MTUS2: variants seen among roughly 807,000 people sequenced by gnomAD.
MTUS2 encodes the protein microtubule associated scaffold protein 2.
MTUS2 carries 40 observed loss-of-function variants against 114.1 expected under a neutral mutation model. That is an observed-to-expected ratio of 0.35 (90% CI 0.27 to 0.46). The LOEUF is 0.46. Ranked by LOEUF, MTUS2 falls within the 20% of genes least tolerant of loss-of-function variation. The pLI, the probability that MTUS2 is intolerant of heterozygous loss-of-function variation, is 1.00. For missense variants in MTUS2, 1,679 were observed against 1,705.4 expected, an observed-to-expected ratio of 0.98 and a Z score of 0.27; for synonymous variants, 688 against 672.0, an observed-to-expected ratio of 1.02 and a Z score of -0.37.
intron 2 of MTUS2, among the ~76,000 whole-genome samples, chr13:28,920,110 G>T (rs751576951): frequency 6.6e-6 from 1 of 152,150 alleles, no homozygotes; most frequent in African/African-American, 2.4e-5. Flanking sequence ...TGTTTTCTTG[G>T]ATGGTCTTGA....
intron 8 of MTUS2, among the ~76,000 whole-genome samples, chr13:29,385,166 G>A (rs1279819194): frequency 2.0e-5 from 3 of 152,182 alleles, no homozygotes; most frequent in Non-Finnish European, 2.9e-5. Context: ...AAAATGTGCC[G>A]ACATTTGTGA....
At chr13:29,355,205 G>A (rs1383959049) in intron 7 of MTUS2, among the ~76,000 whole-genome samples, 1 of 152,162 alleles carries the variant, frequency 6.6e-6, no homozygotes, top group Non-Finnish European at 1.5e-5. Context: ...GTCCTCTCCA[G>A]TGCTCAGCCT....
chr13:29,158,358 C>CCTTGTTTTT, intron 5 of MTUS2, among the ~76,000 whole-genome samples: 1 of 32,048 alleles, frequency 3.1e-5, no homozygotes, highest in Non-Finnish European at 5.1e-5. Context: ...GTCCACCCCG[C>CCTTGTTTTT]TTTTTTTTTT....
chr13:29,184,267 C>A (rs185669596), intron 5 of MTUS2, among the ~76,000 whole-genome samples: 80 of 152,304 alleles, frequency 5.3e-4, no homozygotes, highest in South Asian at 2.3e-3. Context: ...TAAAACATTA[C>A]TGTTCCCCAC....
chr13:29,260,844 G>A (rs1224522558), intron 5 of MTUS2, among the ~76,000 whole-genome samples: 3 of 152,138 alleles, frequency 2.0e-5, no homozygotes, highest in Non-Finnish European at 4.4e-5. Flanking sequence ...GTTACAACTT[G>A]GGTATGGAGA....
intron 5 of MTUS2, among the ~76,000 whole-genome samples, chr13:29,246,214 G>A (rs76590320): frequency 0.026 from 3,983 of 152,268 alleles, 79 homozygotes; most frequent in Non-Finnish European, 0.038. Flanking sequence ...TCTGACCCAG[G>A]GGGTGATTTA....
chr13:28,970,447 G>A (rs1318841109), intron 2 of MTUS2, among the ~76,000 whole-genome samples: 4 of 152,132 alleles, frequency 2.6e-5, no homozygotes, highest in African/African-American at 9.7e-5. Context: ...AACCACCATC[G>A]TTCATTCATG....
At chr13:28,856,836 G>A (rs926537715) in intron 2 of MTUS2, among the ~76,000 whole-genome samples, 3 of 152,182 alleles carry the variant, frequency 2.0e-5, no homozygotes, top group African/African-American at 7.2e-5. Flanking sequence ...GCTTTTTGCT[G>A]TGATTTTGTT....
At chr13:29,426,867 G>A (rs752673954) in intron 8 of MTUS2, among the ~76,000 whole-genome samples, 3 of 152,262 alleles carry the variant, frequency 2.0e-5, no homozygotes, top group Non-Finnish European at 2.9e-5. Flanking sequence ...TTGCTTCCAC[G>A]TTTTGGCTAT....
At chr13:29,208,222 G>A (rs1239372803) in intron 5 of MTUS2, among the ~76,000 whole-genome samples, 1 of 152,096 alleles carries the variant, frequency 6.6e-6, no homozygotes, top group Non-Finnish European at 1.5e-5. Flanking sequence ...GCATGTAAAG[G>A]TGTTCATAGT....
At chr13:28,915,385 A>G (rs1454012226) in intron 2 of MTUS2, among the ~76,000 whole-genome samples, 1 of 151,952 alleles carries the variant, frequency 6.6e-6, no homozygotes, top group Non-Finnish European at 1.5e-5. Context: ...TCTTCTCCAT[A>G]GAGGTTGTAC....
chr13:29,457,803 A>T (rs1000993400), intron 9 of MTUS2, among the ~76,000 whole-genome samples: 2 of 151,988 alleles, frequency 1.3e-5, no homozygotes, highest in African/African-American at 4.8e-5. Context: ...TCTTGCCAAC[A>T]TTTGTCAGTA....
chr13:28,895,953 T>C (rs1260184463), intron 2 of MTUS2, among the ~76,000 whole-genome samples: 2 of 152,188 alleles, frequency 1.3e-5, no homozygotes, highest in African/African-American at 4.8e-5. Flanking sequence ...GGGAACATTT[T>C]TTTCTGCCCC....
At chr13:29,266,945 A>G (rs954663477) in intron 5 of MTUS2, among the ~76,000 whole-genome samples, 1 of 152,192 alleles carries the variant, frequency 6.6e-6, no homozygotes, top group Admixed American at 6.5e-5. Context: ...TTCAGATACC[A>G]GAAAGAACAG....
At chr13:29,132,060 C>T (rs1280316846) in intron 5 of MTUS2, among the ~76,000 whole-genome samples, 1 of 152,166 alleles carries the variant, frequency 6.6e-6, no homozygotes, top group East Asian at 1.9e-4. Flanking sequence ...GTAGTACAGC[C>T]AGGTTTCAGC....
intron 2 of MTUS2, among the ~76,000 whole-genome samples, chr13:29,024,195 T>G (rs1161698540): frequency 1.3e-5 from 2 of 152,244 alleles, no homozygotes. Context: ...TTTAAATCAG[T>G]ATCAGTATAG....
chr13:29,343,532 G>A (rs1901508234), intron 7 of MTUS2, among the ~76,000 whole-genome samples: 1 of 151,502 alleles, frequency 6.6e-6, no homozygotes, highest in Non-Finnish European at 1.5e-5. Flanking sequence ...AGGTTTATTT[G>A]GATCTTCCCT....
Position 29,258,857 on chromosome 13 carries a change from A to G in MTUS2, c.2645-22847A>G, listed in dbSNP as rs549527930. 2.8e-4 allele frequency among the ~76,000 whole-genome samples: 43 copies of G among 152,322 alleles called. 1 individual carries two copies. Among genetic ancestry groups the G allele is most frequent in the Middle Eastern group, 6.8e-3 (2 of 294 alleles). On this transcript the variant is annotated intron_variant, in intron 5 of 15. Transcript: ENST00000612955. ...GTGGGAAACAAGGAAGGTTCAGGTTATCACCCCACTGACCTACCTGGGGCC... is the reference window on the plus strand; with the variant it reads ...GTGGGAAACAAGGAAGGTTCAGGTTGTCACCCCACTGACCTACCTGGGGCC...
chr13:29,364,953 C>G (rs1870578256), intron 8 of MTUS2, among the ~76,000 whole-genome samples: 1 of 152,198 alleles, frequency 6.6e-6, no homozygotes. Context: ...AATGTGAGCA[C>G]TTAAGGTGGC....
Sources: gnomAD v4.1 joint callset for allele counts (sites outside exome capture counted in the v4.1 genomes callset) on GRCh38, gnomAD v4.1.1 for gene constraint, MANE v1.5 for transcripts, NCBI Gene and HGNC (gene_info 2026-07-23, HGNC 2026-07-21) for gene names.